Variants in MRTFB observed in about 807,000 individuals in gnomAD.
MRTFB encodes myocardin-related transcription factor B.
A neutral mutation model predicts 104.2 loss-of-function variants in MRTFB; 29 were observed. The observed-to-expected ratio is 0.28, with a 90% CI of 0.21 to 0.38. The LOEUF (loss-of-function observed/expected upper bound fraction) is 0.38, where lower values mean the gene tolerates loss of function less well. Ranked by LOEUF, MRTFB falls within the 10% of genes least tolerant of loss-of-function variation. The pLI is 1.00. For missense variants in MRTFB, 1,270 were observed against 1,341.6 expected (o/e 0.95, Z 0.83); for synonymous variants, 535 against 519.5 (o/e 1.03, Z -0.41).
At chr16:14,109,784 G>T (rs920918627) in intron 2 of MRTFB, among the ~76,000 whole-genome samples, 1 of 152,164 alleles carries the variant, frequency 6.6e-6, no homozygotes, top group Non-Finnish European at 1.5e-5. Flanking sequence ...CATGAATGTT[G>T]CCTGTAAAGA....
At position 14,258,108 on chromosome 16, in the gene MRTFB, A is replaced by G. The variant is rs114283484; in HGVS notation, c.2711A>G (p.Asn904Ser). 66 of 1,613,768 alleles carry G rather than the reference A, an allele frequency of 4.1e-5. No individual in the cohort carries two copies. Among genetic ancestry groups the G allele is most frequent in the East Asian group, 1.1e-4 (5 of 44,874 alleles). The stretch of plus-strand genomic sequence containing the variant: ...TACTCTCCTTCATTGTAGATTTCCA[A>G]CGCTCACAGTCAGCAGATGGATGAC... ...STQAPLPEIS[N>S]AHSQQMDDLF... is the part of the protein sequence containing the mutation. Residue 904 changes from asparagine (N) to serine (S), a missense_variant, in exon 16 of 17, where the codon AAC becomes AGC. Coordinates refer to ENST00000571589, the MANE Select transcript of MRTFB (RefSeq NM_001308142.2).
At chr16:14,051,239 C>G in the MRTFB span, among the ~76,000 whole-genome samples, 1 of 151,792 alleles carries the variant, frequency 6.6e-6, no homozygotes, top group South Asian at 2.1e-4. Flanking sequence ...CACAGTCATA[C>G]AGACACGTAC....
intron 3 of MRTFB, among the ~76,000 whole-genome samples, chr16:14,201,363 T>C (rs555362435): frequency 6.6e-6 from 1 of 152,346 alleles, no homozygotes; most frequent in South Asian, 2.1e-4. Context: ...CAAAGCTCTA[T>C]ATGTTTACAT....
chr16:14,066,048 T>G, the MRTFB span, among the ~76,000 whole-genome samples: 1 of 152,176 alleles, frequency 6.6e-6, no homozygotes, highest in Non-Finnish European at 1.5e-5. Context: ...ATAAATGCCA[T>G]GAAAGCATGG....
the MRTFB span, among the ~76,000 whole-genome samples, chr16:14,032,185 TG>T: frequency 1.3e-5 from 2 of 152,210 alleles, no homozygotes; most frequent in Non-Finnish European, 2.9e-5. Flanking sequence ...GAACCAATCA[TG>T]TGATTAGATA....
intron 9 of MRTFB, among the ~76,000 whole-genome samples, chr16:14,238,103 T>C (rs2042601775): frequency 6.6e-6 from 1 of 152,126 alleles, no homozygotes; most frequent in South Asian, 2.1e-4. Context: ...CATTTGGCAA[T>C]GTCTGGAGAC....
chr16:14,173,443 A>G (rs2039485795), intron 3 of MRTFB, among the ~76,000 whole-genome samples: 1 of 152,038 alleles, frequency 6.6e-6, no homozygotes, highest in South Asian at 2.1e-4. Flanking sequence ...TATCATCTTT[A>G]TTTGCTATAA....
At chr16:14,180,708 A>T (rs2039739242) in intron 3 of MRTFB, among the ~76,000 whole-genome samples, 1 of 152,214 alleles carries the variant, frequency 6.6e-6, no homozygotes, top group African/African-American at 2.4e-5. Context: ...GTCCGAGCAC[A>T]GGCCTGTCAT....
At chr16:14,243,289 G>T (rs1167295544) in intron 10 of MRTFB, among the ~76,000 whole-genome samples, 1 of 152,194 alleles carries the variant, frequency 6.6e-6, no homozygotes, top group Non-Finnish European at 1.5e-5. Flanking sequence ...ACCCCAAAAT[G>T]AATGTCAAGA....
chr16:14,103,462 T>C (rs1354379364), intron 2 of MRTFB, among the ~76,000 whole-genome samples: 2 of 152,190 alleles, frequency 1.3e-5, no homozygotes, highest in Admixed American at 6.5e-5. Flanking sequence ...GCTGTAAGAA[T>C]GAGTTCAGGG....
intron 3 of MRTFB, among the ~76,000 whole-genome samples, chr16:14,192,882 T>C (rs1002373534): frequency 6.6e-6 from 1 of 152,122 alleles, no homozygotes; most frequent in Non-Finnish European, 1.5e-5. Flanking sequence ...GCCAGGAACC[T>C]AGTTGGGAGC....
intron 2 of MRTFB, among the ~76,000 whole-genome samples, chr16:14,127,320 C>T (rs2037160611): frequency 6.6e-6 from 1 of 152,092 alleles, no homozygotes; most frequent in African/African-American, 2.4e-5. Flanking sequence ...CCTTAAATTG[C>T]TTGCTTTTTA....
intron 8 of MRTFB, among the ~76,000 whole-genome samples, chr16:14,231,582 A>G (rs546547381): frequency 6.6e-5 from 10 of 151,116 alleles, no homozygotes; most frequent in South Asian, 2.1e-4. Context: ...GTTCCCCTCT[A>G]TGTGTCCATG....
chr16:14,231,140 A>G (rs1201115774), intron 8 of MRTFB, among the ~76,000 whole-genome samples: 4 of 137,384 alleles, frequency 2.9e-5, no homozygotes, highest in Non-Finnish European at 4.7e-5. Flanking sequence ...TTGTGGGGTA[A>G]GGGGAGGGGG....
the MRTFB span, among the ~76,000 whole-genome samples, chr16:14,039,357 A>G: frequency 3.3e-5 from 5 of 152,294 alleles, no homozygotes; most frequent in African/African-American, 1.2e-4. Context: ...CTAGTGTTGG[A>G]AATCATATGC....
intron 8 of MRTFB, among the ~76,000 whole-genome samples, chr16:14,230,413 A>C (rs1332862254): frequency 6.6e-6 from 1 of 152,246 alleles, no homozygotes; most frequent in African/African-American, 2.4e-5. Context: ...CAGAATCTGC[A>C]ATGAACTCAA....
the MRTFB span, among the ~76,000 whole-genome samples, chr16:14,054,509 G>A: frequency 1.4e-4 from 21 of 152,168 alleles, no homozygotes; most frequent in Non-Finnish European, 3.1e-4. Flanking sequence ...GAGCCACCAT[G>A]ACCGGCCCTT....
rs571570774 is a variant in MRTFB, at chr16:14,210,097, A to G, written c.155-146A>G. On this transcript the variant is annotated intron_variant, in intron 3 of 16. Coordinates refer to ENST00000571589, the MANE Select transcript of MRTFB (RefSeq NM_001308142.2). ...ATTACAAAATAATTTTCCTTTTACAACTTACGTGGTGCCAGGTAATATCCT... is the reference window on the plus strand; with the variant it reads ...ATTACAAAATAATTTTCCTTTTACAGCTTACGTGGTGCCAGGTAATATCCT... 57 of 539,186 alleles carry G rather than the reference A, an allele frequency of 1.1e-4. 1 individual carries two copies. The highest frequency in any genetic ancestry group is 8.4e-4 in the African/African-American group (44 of 52,510). The allele number at this position is 539,186 out of a possible 1,614,324, so 33.4% of individuals were successfully genotyped here.
chr16:14,254,325 G>A (rs59496059), intron 15 of MRTFB, among the ~76,000 whole-genome samples: 2,981 of 152,274 alleles, frequency 0.02, 112 homozygotes, highest in African/African-American at 0.068. Context: ...CTACCTGAAC[G>A]CATTGAAGAG....
Sources: gnomAD v4.1 joint callset for allele counts (sites outside exome capture counted in the v4.1 genomes callset) on GRCh38, gnomAD v4.1.1 for gene constraint, MANE v1.5 for transcripts, NCBI Gene and HGNC (gene_info 2026-07-23, HGNC 2026-07-21) for gene names.